PRKAR1B: variants seen among roughly 807,000 people sequenced by gnomAD.
PRKAR1B encodes the protein cAMP-dependent protein kinase type I-beta regulatory subunit.
In PRKAR1B, 22 loss-of-function variants were observed where a neutral mutation model predicts 46.5. The observed-to-expected ratio is 0.47, with a 90% confidence interval of 0.34 to 0.68. The LOEUF is 0.68. Among genes scored for constraint, PRKAR1B ranks in the 30% least tolerant of loss-of-function variants. The pLI is 0.01. For synonymous variants in PRKAR1B, 259 were observed against 217.7 expected, an observed-to-expected ratio of 1.19 and a Z score of -1.67; for missense variants, 445 against 535.6, an observed-to-expected ratio of 0.83 and a Z score of 1.67.
intron 2 of PRKAR1B, among the ~76,000 whole-genome samples, chr7:683,906 C>T (rs1452149480): frequency 6.6e-6 from 1 of 152,270 alleles, no homozygotes; most frequent in Non-Finnish European, 1.5e-5. Flanking sequence ...CCCACTTCTT[C>T]TGCAGCTGAT....
intron 2 of PRKAR1B, among the ~76,000 whole-genome samples, chr7:709,546 A>G (rs1400423032): frequency 6.6e-6 from 1 of 151,526 alleles, no homozygotes; most frequent in African/African-American, 2.4e-5. Flanking sequence ...AATTTTTTGT[A>G]TTTTTAGTAG....
intron 2 of PRKAR1B, 108 bp downstream of exon 2, chr7:711,221 G>C (rs1780607951): frequency 6.9e-7 from 1 of 1,445,886 alleles, no homozygotes; most frequent in African/African-American, 1.4e-5. Context: ...ACAGTCTCTG[G>C]GGCACCCAGC....
chr7:559,559 C>T (rs1778660003), intron 9 of PRKAR1B, among the ~76,000 whole-genome samples: 2 of 152,326 alleles, frequency 1.3e-5, no homozygotes, highest in South Asian at 4.1e-4. Context: ...GGAGCCCAGG[C>T]CCGCTGTGCT....
intron 4 of PRKAR1B, among the ~76,000 whole-genome samples, chr7:615,472 G>A (rs1250300135): frequency 6.8e-6 from 1 of 147,998 alleles, no homozygotes; most frequent in African/African-American, 2.5e-5. Context: ...CAGAAAGAAG[G>A]AAAGAAAGAA....
At position 551,432 on chromosome 7, in the gene PRKAR1B, C is replaced by T; in HGVS notation, c.930G>A (p.Glu310=). The T allele has an allele frequency of 3.2e-6, 5 of 1,560,526 alleles. No individual in the cohort carries two copies. Among genetic ancestry groups the T allele is most frequent in the Non-Finnish European group, 4.3e-6 (5 of 1,152,050 alleles). ...ASVLQRRSPN[E]EYVEVGRLGP... Reference sequence around the variant, plus strand: ...CCAGGCGCCCCACCTCCACGTACTCCTCATTGGGGGACCGGCGCTGCAGCA... The same window carrying T: ...CCAGGCGCCCCACCTCCACGTACTCTTCATTGGGGGACCGGCGCTGCAGCA... The change falls in exon 10 of 11, where the codon GAG becomes GAA. Residue 310 remains glutamate, a synonymous_variant. Coordinates refer to ENST00000537384, the MANE Select transcript of PRKAR1B (RefSeq NM_001164760.2).
intron 9 of PRKAR1B, among the ~76,000 whole-genome samples, chr7:575,713 T>G (rs1264123960): frequency 2.0e-5 from 3 of 152,016 alleles, no homozygotes; most frequent in African/African-American, 7.2e-5. Context: ...ACCCAGCTAA[T>G]TTTTTCACCT....
At chr7:555,957 C>T (rs541908589) in intron 9 of PRKAR1B, among the ~76,000 whole-genome samples, 3 of 152,332 alleles carry the variant, frequency 2.0e-5, no homozygotes, top group Non-Finnish European at 2.9e-5. Flanking sequence ...GCCCCCGCTC[C>T]GGGGACTCAG....
chr7:614,744 TC>T (rs1782709366), intron 4 of PRKAR1B, among the ~76,000 whole-genome samples: 1 of 152,136 alleles, frequency 6.6e-6, no homozygotes, highest in African/African-American at 2.4e-5. Flanking sequence ...AAACCCTGTC[TC>T]TACTGAAAAT....
chr7:678,749 G>A (rs1778486581), intron 3 of PRKAR1B, among the ~76,000 whole-genome samples: 1 of 152,230 alleles, frequency 6.6e-6, no homozygotes. Context: ...AGACAGCAAT[G>A]AAATCTCCTA....
At chr7:621,510 G>C (rs1022395741) in intron 4 of PRKAR1B, among the ~76,000 whole-genome samples, 3 of 152,226 alleles carry the variant, frequency 2.0e-5, no homozygotes, top group Non-Finnish European at 2.9e-5. Context: ...CACTTTGGAA[G>C]GAGCATGACC....
Position 685,289 on chromosome 7 carries a change from T to TAC in PRKAR1B, c.178-4564_178-4563insGT, listed in dbSNP as rs1491565815. On this transcript the variant is annotated intron_variant, in intron 2 of 10. Coordinates refer to ENST00000537384, the MANE Select transcript of PRKAR1B (RefSeq NM_001164760.2). Reference sequence around the variant, plus strand: ...ATATACGTATATATACGTATATATATGTATACATATATATATACGTATATA... The same window carrying TAC: ...ATATACGTATATATACGTATATATATACGTATACATATATATATACGTATATA... Among the ~76,000 whole-genome samples the TAC allele has an allele frequency of 2.2e-3, 27 of 12,188 alleles. 2 individuals carry two copies. The highest frequency in any genetic ancestry group is 0.019 in the East Asian group (9 of 484). The allele number at this position is 12,188 out of a possible 152,430, so 8.0% of individuals were successfully genotyped here.
At chr7:709,950 C>A (rs146654932) in intron 2 of PRKAR1B, among the ~76,000 whole-genome samples, 1 of 152,188 alleles carries the variant, frequency 6.6e-6, no homozygotes, top group Non-Finnish European at 1.5e-5. Flanking sequence ...CCTACAACTA[C>A]GTTTTTATAA....
intron 2 of PRKAR1B, chr7:691,611 C>G: frequency 7.7e-7 from 1 of 1,303,886 alleles, no homozygotes; most frequent in Admixed American, 2.3e-5. Flanking sequence ...GAGGTGGACG[C>G]CCTGCCGTGT....
At chr7:670,509 C>A in intron 4 of PRKAR1B, among the ~76,000 whole-genome samples, 1 of 147,918 alleles carries the variant, frequency 6.8e-6, no homozygotes, top group African/African-American at 2.6e-5. Context: ...GGGCTCAGGA[C>A]CGAGGACGGC....
At chr7:670,437 T>C (rs2128500984) in intron 4 of PRKAR1B, among the ~76,000 whole-genome samples, 1 of 152,362 alleles carries the variant, frequency 6.6e-6, no homozygotes, top group East Asian at 1.9e-4. Context: ...TGTTGATAGC[T>C]GAGCCCAAGA....
At chr7:711,274 G>A in intron 2 of PRKAR1B, 55 bp downstream of exon 2, 2 of 1,596,048 alleles carry the variant, frequency 1.3e-6, no homozygotes, top group East Asian at 2.2e-5. Context: ...CCCGGCTGCC[G>A]CCTCTGCCCC....
chr7:658,022 C>T (rs1260396566), intron 4 of PRKAR1B, among the ~76,000 whole-genome samples: 4 of 152,152 alleles, frequency 2.6e-5, no homozygotes, highest in Non-Finnish European at 4.4e-5. Flanking sequence ...GCAAGGCCCA[C>T]GTCAGAAACA....
At chr7:712,105 G>C (rs534364242) in intron 1 of PRKAR1B, among the ~76,000 whole-genome samples, 123 of 151,796 alleles carry the variant, frequency 8.1e-4, no homozygotes, top group Admixed American at 2.4e-3. Context: ...GCCGCGCAGC[G>C]AAGTCACCAT....
intron 2 of PRKAR1B, among the ~76,000 whole-genome samples, 194 bp from the exon 3 acceptor site, chr7:680,920 G>T (rs76035365): frequency 1.3e-5 from 2 of 151,938 alleles, no homozygotes; most frequent in African/African-American, 4.8e-5. Flanking sequence ...ATTTCACTTT[G>T]TGTCCCCACT....
Sources: allele counts gnomAD v4.1 joint callset (sites outside exome capture counted in the v4.1 genomes callset), GRCh38; gene constraint gnomAD v4.1.1; transcripts MANE v1.5; gene names NCBI Gene and HGNC (gene_info 2026-07-23, HGNC 2026-07-21).